Variants in MCRIP1 observed in about 807,000 individuals in gnomAD.
MCRIP1 encodes the protein MAPK regulated corepressor interacting protein 1.
A neutral mutation model predicts 14.4 loss-of-function variants in MCRIP1; 10 were observed. That is an observed-to-expected ratio of 0.70 (90% CI 0.43 to 1.18). The LOEUF is 1.18. Among genes scored for constraint, MCRIP1 ranks in the 50% most tolerant of loss-of-function variants. The pLI is 0.00. For missense variants in MCRIP1, 119 were observed against 135.4 expected (o/e 0.88, Z 0.60); for synonymous variants, 53 against 55.7 (o/e 0.95, Z 0.21).
intron 1 of MCRIP1, among the ~76,000 whole-genome samples, chr17:81,830,240 T>C (rs1476791176): frequency 6.6e-6 from 1 of 152,168 alleles, no homozygotes; most frequent in Non-Finnish European, 1.5e-5. Context: ...AGCACAGCCA[T>C]GGAAAGCCAG....
intron 1 of MCRIP1, among the ~76,000 whole-genome samples, chr17:81,830,232 C>T (rs1270346520): frequency 6.6e-6 from 1 of 152,244 alleles, no homozygotes; most frequent in African/African-American, 2.4e-5. Flanking sequence ...GGGACGGAAG[C>T]ACAGCCATGG....
intron 1 of MCRIP1, among the ~76,000 whole-genome samples, chr17:81,831,955 T>C (rs533902296): frequency 6.6e-6 from 1 of 152,204 alleles, no homozygotes; most frequent in African/African-American, 2.4e-5. Flanking sequence ...CCAAGGGCTT[T>C]AGAGACTTCC....
At chr17:81,824,064 C>T (rs2038331377) in intron 3 of MCRIP1, among the ~76,000 whole-genome samples, 1 of 152,200 alleles carries the variant, frequency 6.6e-6, no homozygotes, top group Admixed American at 6.5e-5. Context: ...CTCCCGGGCT[C>T]CCCCCATGAT....
At position 81,823,467 on chromosome 17, in the gene MCRIP1, G is replaced by A. The variant is rs1431900608; in HGVS notation, c.174C>T (p.Gly58=). 3.9e-6 allele frequency: 6 copies of A among 1,536,384 alleles called. No homozygotes were observed. Among genetic ancestry groups the A allele is most frequent in the Admixed American group, 3.9e-5 (2 of 50,962 alleles). The change falls in exon 4 of 5, where the codon GGC becomes GGT. Residue 58 remains glycine, a synonymous_variant. Transcript: ENST00000455127. This position sits in a 1 kb window ranked among gnomAD's most constrained non-coding sequence, Gnocchi z 6.0. The stretch of plus-strand genomic sequence containing the variant: ...CATACTCCTCCACCAGGCCCCGCTC[G>A]CCACCCGGCACCTGGCCTCGCAGGT... ...ERDLRGQVPG[G]ERGLVEEYVE...
chr17:81,826,595 G>A lies in MCRIP1; in HGVS notation c.-48-2041C>T. The A allele has an allele frequency of 1.1e-5, 6 of 559,832 alleles. No homozygotes were observed. In the South Asian group the frequency reaches 1.3e-4, roughly 13 times the overall value. 34.7% of individuals were successfully genotyped at this position (559,832 alleles called of 1,614,324 possible). A position where few individuals can be genotyped will look rare whatever the true frequency, so the allele number is the denominator to read the frequency against. ...AACACTTTGGGAGGCAGAGGCGGGTGGATCAGCTGAGGTCAGGAGTTTGAG... is the reference window on the plus strand; with the variant it reads ...AACACTTTGGGAGGCAGAGGCGGGTAGATCAGCTGAGGTCAGGAGTTTGAG... On this transcript the variant is annotated intron_variant, in intron 1 of 4. Coordinates refer to ENST00000455127, the MANE Select transcript of MCRIP1 (RefSeq NM_207368.5).
At chr17:81,826,167 C>T (rs1156879841) in intron 1 of MCRIP1, 4 of 1,497,504 alleles carry the variant, frequency 2.7e-6, no homozygotes, top group African/African-American at 1.4e-5. Flanking sequence ...CCAGATCCCA[C>T]TGATTGCCCC....
rs1326315465 is a variant in MCRIP1, at chr17:81,833,096, C to G, written c.-49+142G>C. The G allele has an allele frequency of 4.0e-5, 6 of 148,230 alleles. No homozygotes were observed. The East Asian group carries it at 9.7e-4, about 24-fold the overall frequency. 9.2% of individuals were successfully genotyped at this position (148,230 alleles called of 1,614,324 possible). ...GAACGCGGGCCCCTCCCTCGGACCC[C>G]GGCTGCCCGGCCACTCCCCCGCGCC... On this transcript the variant is annotated intron_variant, in intron 1 of 4. Transcript: ENST00000455127.
chr17:81,831,605 G>T (rs1464540900), intron 1 of MCRIP1, among the ~76,000 whole-genome samples: 5 of 152,044 alleles, frequency 3.3e-5, no homozygotes, highest in African/African-American at 1.2e-4. Context: ...CACCACGCTG[G>T]GCCCTTACAC....
intron 1 of MCRIP1, among the ~76,000 whole-genome samples, chr17:81,829,481 T>G (rs1177121923): frequency 6.6e-6 from 1 of 152,246 alleles, no homozygotes; most frequent in Non-Finnish European, 1.5e-5. Context: ...CCCGTACTCC[T>G]CAGTCGCTAC....
chr17:81,825,359 C>T (rs1567824877), intron 1 of MCRIP1: 3 of 1,179,800 alleles, frequency 2.5e-6, no homozygotes, highest in Non-Finnish European at 3.2e-6. Flanking sequence ...TGAGGACACA[C>T]AACCCCAAGG....
intron 1 of MCRIP1, chr17:81,824,879 G>T: frequency 8.2e-7 from 1 of 1,225,908 alleles, no homozygotes; most frequent in Non-Finnish European, 1.0e-6. Flanking sequence ...GGAGCACTGT[G>T]GCCAGAGCCC....
rs1043780066 is a variant in MCRIP1, at chr17:81,823,783, G to A, written c.128-270C>T. On this transcript the variant is annotated intron_variant, in intron 3 of 4. Transcript: ENST00000455127. This position sits in a 1 kb window ranked among gnomAD's most constrained non-coding sequence, Gnocchi z 6.0. ...ATGACCCTACCCCAGGCTTCCCTGC[G>A]CCTCGGAGGCAGCGCATCCTCCTCA... 1.9e-5 allele frequency: 11 copies of A among 586,226 alleles called. No individual in the cohort carries two copies. Among genetic ancestry groups the A allele is most frequent in the East Asian group, 2.8e-5 (1 of 35,332 alleles). The allele number at this position is 586,226 out of a possible 1,614,324, so 36.3% of individuals were successfully genotyped here. A position where few individuals can be genotyped will look rare whatever the true frequency, so the allele number is the denominator to read the frequency against.
In MCRIP1 at chr17:81,822,867, C is replaced by T; in HGVS notation, c.*380G>A. On this transcript the variant is annotated 3_prime_UTR_variant, in exon 5 of 5. Coordinates refer to ENST00000455127, the MANE Select transcript of MCRIP1 (RefSeq NM_207368.5). ...GACAAAACCAGCCCAGTCCCAGCAG[C>T]CTGGGAGGCAGCAGAGGCTCCTTCT... 2 of 388,038 alleles carry T rather than the reference C, an allele frequency of 5.2e-6. No individual in the cohort carries two copies. Among genetic ancestry groups the T allele is most frequent in the African/African-American group, 2.0e-5 (1 of 49,188 alleles). 24.0% of individuals were successfully genotyped at this position (388,038 alleles called of 1,614,324 possible).
intron 1 of MCRIP1, among the ~76,000 whole-genome samples, chr17:81,832,787 GA>G (rs2038546390): frequency 6.6e-6 from 1 of 152,238 alleles, no homozygotes; most frequent in African/African-American, 2.4e-5. Context: ...GGGCAAGGCC[GA>G]AAAATGGACA....
chr17:81,828,920 G>C (rs935537783), intron 1 of MCRIP1, among the ~76,000 whole-genome samples: 7 of 152,184 alleles, frequency 4.6e-5, no homozygotes, highest in African/African-American at 1.2e-4. Flanking sequence ...ACACAGCTGA[G>C]GGGGGAGGGC....
At chr17:81,830,867 A>T (rs1049906454) in intron 1 of MCRIP1, among the ~76,000 whole-genome samples, 5 of 151,696 alleles carry the variant, frequency 3.3e-5, no homozygotes, top group Non-Finnish European at 4.4e-5. Flanking sequence ...TACTAAAAAA[A>T]AAAAATACAA....
intron 1 of MCRIP1, chr17:81,825,181 G>A (rs1237359578): frequency 2.9e-6 from 3 of 1,041,138 alleles, no homozygotes; most frequent in African/African-American, 1.7e-5. Flanking sequence ...GTGGGCAGAG[G>A]GGGTGGCCCT....
Position 81,824,281 on chromosome 17 carries a change from A to G in MCRIP1, c.127+6T>C, listed in dbSNP as rs1473146655. 3.9e-6 allele frequency: 6 copies of G among 1,532,356 alleles called. No homozygotes were observed. The South Asian group carries it at 7.1e-5, about 18-fold the overall frequency. The allele number at this position is 1,532,356 out of a possible 1,614,324, so 94.9% of individuals were successfully genotyped here. A position where few individuals can be genotyped will look rare whatever the true frequency, so the allele number is the denominator to read the frequency against. ...GGCAGGAGCTGTGTGTGGCAGGCGC[A>G]CCCACCTTCGTAAATGAAGCGGACG... On this transcript the variant is annotated splice_donor_region_variant and intron_variant, in intron 3 of 4. Transcript: ENST00000455127.
rs1269357901 is a variant in MCRIP1 at position 81,823,223 on chromosome 17, G to A, written c.*24C>T. The A allele has an allele frequency of 1.3e-6, 2 of 1,535,234 alleles. No individual in the cohort carries two copies. The highest frequency in any genetic ancestry group is 2.4e-5 in the East Asian group (1 of 40,912). On this transcript the variant is annotated 3_prime_UTR_variant, in exon 5 of 5. Coordinates refer to ENST00000455127, the MANE Select transcript of MCRIP1 (RefSeq NM_207368.5). This position sits in a 1 kb window ranked among gnomAD's most constrained non-coding sequence, Gnocchi z 6.0. ...ACACCTCGCACCCTGATCTTCCGGA[G>A]GCCGGGGAGGGGCACCGGGCGCTCT...
Sources: gnomAD v4.1 joint callset for allele counts (sites outside exome capture counted in the v4.1 genomes callset) on GRCh38, gnomAD v4.1.1 for gene constraint, Gnocchi (gnomAD v3.1) non-coding constraint, MANE v1.5 for transcripts, NCBI Gene and HGNC (gene_info 2026-07-23, HGNC 2026-07-21) for gene names.